FBXL7: variants seen among roughly 807,000 people sequenced by gnomAD.
FBXL7 encodes the protein F-box and leucine rich repeat protein 7.
FBXL7 carries 12 observed loss-of-function variants against 38.3 expected under a neutral mutation model. The ratio of observed to expected loss-of-function variants is 0.31; its 90% CI spans 0.20 to 0.51. The LOEUF (loss-of-function observed/expected upper bound fraction) is 0.51, where lower values mean the gene tolerates loss of function less well. FBXL7 is among the 20% of genes least tolerant of loss of function. FBXL7 has a pLI of 0.98. For synonymous variants in FBXL7, 297 were observed against 300.9 expected, an observed-to-expected ratio of 0.99 and a Z score of 0.13; for missense variants, 567 against 676.4, an observed-to-expected ratio of 0.84 and a Z score of 1.79.
At chr5:15,561,546 C>T (rs1022928263) in intron 1 of FBXL7, among the ~76,000 whole-genome samples, 8 of 152,198 alleles carry the variant, frequency 5.3e-5, no homozygotes, top group Non-Finnish European at 7.4e-5. Context: ...ATCTTTACTA[C>T]GAGGTGATTT....
intron 2 of FBXL7, among the ~76,000 whole-genome samples, chr5:15,917,642 G>GA (rs1741621522): frequency 6.8e-5 from 4 of 58,588 alleles, no homozygotes; most frequent in Non-Finnish European, 1.4e-4. Flanking sequence ...TAAAGGAAGG[G>GA]AGGGAAGGAA....
chr5:15,637,095 A>G (rs1741212029), intron 2 of FBXL7, among the ~76,000 whole-genome samples: 1 of 152,228 alleles, frequency 6.6e-6, no homozygotes, highest in African/African-American at 2.4e-5. Flanking sequence ...GAGCATCTGT[A>G]AAATTCAGAC....
chr5:15,613,413 C>G (rs956451937), intron 1 of FBXL7, among the ~76,000 whole-genome samples: 1 of 152,190 alleles, frequency 6.6e-6, no homozygotes, highest in Non-Finnish European at 1.5e-5. Context: ...ATGGCCACAG[C>G]TGCCAGGCCA....
At chr5:15,675,710 A>T (rs1313787269) in intron 2 of FBXL7, among the ~76,000 whole-genome samples, 1 of 152,216 alleles carries the variant, frequency 6.6e-6, no homozygotes. Flanking sequence ...GGTTCTGAGC[A>T]GTCTATCATC....
At chr5:15,586,601 A>G (rs375640408) in intron 1 of FBXL7, among the ~76,000 whole-genome samples, 6 of 152,234 alleles carry the variant, frequency 3.9e-5, no homozygotes, top group African/African-American at 1.4e-4. Context: ...TCATGTTTCA[A>G]AAAACTACTC....
At chr5:15,831,375 G>T (rs1425761910) in intron 2 of FBXL7, among the ~76,000 whole-genome samples, 1 of 152,164 alleles carries the variant, frequency 6.6e-6, no homozygotes, top group Non-Finnish European at 1.5e-5. Flanking sequence ...GGAAGACCTG[G>T]AACAGGAGGC....
At chr5:15,593,341 T>TTG (rs1739534243) in intron 1 of FBXL7, among the ~76,000 whole-genome samples, 1 of 152,038 alleles carries the variant, frequency 6.6e-6, no homozygotes, top group Non-Finnish European at 1.5e-5. Context: ...CTGGCCAACA[T>TTG]TGTGAGACTC....
chr5:15,692,393 C>T (rs1743210764), intron 2 of FBXL7, among the ~76,000 whole-genome samples: 1 of 152,202 alleles, frequency 6.6e-6, no homozygotes, highest in Non-Finnish European at 1.5e-5. Flanking sequence ...CCATTCTCCC[C>T]ACTTAAACAC....
intron 1 of FBXL7, among the ~76,000 whole-genome samples, chr5:15,591,759 G>A (rs942132113): frequency 1.3e-5 from 2 of 152,024 alleles, no homozygotes; most frequent in Non-Finnish European, 2.9e-5. Context: ...TCACCAGGCT[G>A]GAGTGCAGTG....
rs146412379 is a variant in FBXL7, at chr5:15,507,745, A to C, written c.37+7032A>C. 7.8e-3 allele frequency among the ~76,000 whole-genome samples: 1,190 copies of C among 152,246 alleles called. 4 individuals are homozygous for C. Among genetic ancestry groups the C allele is most frequent in the Non-Finnish European group, 0.012 (785 of 68,022 alleles). Reference sequence around the variant, plus strand: ...CTTATGACAGGCTTATGTCCCAATAAAAAAAGTCTTAAGTCAGGTGGGGCA... The same window carrying C: ...CTTATGACAGGCTTATGTCCCAATACAAAAAGTCTTAAGTCAGGTGGGGCA... On this transcript the variant is annotated intron_variant, in intron 1 of 3. Transcript: ENST00000504595.
At chr5:15,869,794 A>G (rs1423677483) in intron 2 of FBXL7, among the ~76,000 whole-genome samples, 1 of 152,100 alleles carries the variant, frequency 6.6e-6, no homozygotes, top group East Asian at 1.9e-4. Context: ...GTTTTCATCA[A>G]TACTGTTTTG....
intron 2 of FBXL7, among the ~76,000 whole-genome samples, chr5:15,623,807 C>T (rs1452953770): frequency 6.6e-6 from 1 of 152,168 alleles, no homozygotes; most frequent in Admixed American, 6.5e-5. Context: ...TTGCATTGAG[C>T]ATTGTTTCAC....
chr5:15,588,455 C>T (rs1254349465), intron 1 of FBXL7, among the ~76,000 whole-genome samples: 2 of 149,802 alleles, frequency 1.3e-5, no homozygotes, highest in African/African-American at 2.5e-5. Flanking sequence ...GGCACGATCT[C>T]GGGTCACTGC....
At chr5:15,814,071 T>TACTAGGTATATACCCAAAGTA (rs1737941665) in intron 2 of FBXL7, among the ~76,000 whole-genome samples, 1 of 152,206 alleles carries the variant, frequency 6.6e-6, no homozygotes, top group Non-Finnish European at 1.5e-5. Flanking sequence ...GCGATCCCTT[T>TACTAGGTATATACCCAAAGTA]ACTAGGTATA....
At chr5:15,656,012 C>T (rs1032088970) in intron 2 of FBXL7, among the ~76,000 whole-genome samples, 9 of 152,136 alleles carry the variant, frequency 5.9e-5, no homozygotes, top group African/African-American at 1.7e-4. Flanking sequence ...TGTGTGCTGC[C>T]GTGTGTGTAA....
chr5:15,843,824 A>G (rs916447305), intron 2 of FBXL7, among the ~76,000 whole-genome samples: 1 of 151,748 alleles, frequency 6.6e-6, no homozygotes, highest in Non-Finnish European at 1.5e-5. Flanking sequence ...GTTCCTAAAT[A>G]TATAGCTTAA....
At chr5:15,578,177 C>A (rs1047486042) in intron 1 of FBXL7, among the ~76,000 whole-genome samples, 1 of 152,104 alleles carries the variant, frequency 6.6e-6, no homozygotes, top group Non-Finnish European at 1.5e-5. Context: ...TGCCTAGAGA[C>A]ATTCTTGGGA....
At chr5:15,596,310 T>C (rs149643067) in intron 1 of FBXL7, among the ~76,000 whole-genome samples, 23 of 152,212 alleles carry the variant, frequency 1.5e-4, no homozygotes, top group African/African-American at 5.3e-4. Flanking sequence ...ATGTATAGAG[T>C]CTTTTTTGTT....
intron 1 of FBXL7, among the ~76,000 whole-genome samples, chr5:15,521,015 G>T (rs537339228): frequency 6.6e-6 from 1 of 152,148 alleles, no homozygotes; most frequent in African/African-American, 2.4e-5. Context: ...GCAAAATCCC[G>T]TATGAGTTAC....
Sources: gnomAD v4.1 joint callset for allele counts (sites outside exome capture counted in the v4.1 genomes callset) on GRCh38, gnomAD v4.1.1 for gene constraint, MANE v1.5 for transcripts, NCBI Gene and HGNC (gene_info 2026-07-23, HGNC 2026-07-21) for gene names.